The following SETBP1 variants were observed in gnomAD, a reference collection of about 807,000 sequenced individuals.
SETBP1 encodes the protein SET-binding protein.
A neutral mutation model predicts 101.0 loss-of-function variants in SETBP1; 9 were observed. The observed-to-expected ratio is 0.09, with a 90% CI of 0.05 to 0.16. SETBP1 has a LOEUF of 0.16. SETBP1 is among the 10% of genes least tolerant of loss of function. SETBP1 has a pLI of 1.00. For missense variants in SETBP1, 1,858 were observed against 2,033.8 expected, an observed-to-expected ratio of 0.91 and a Z score of 1.66; for synonymous variants, 818 against 788.5, an observed-to-expected ratio of 1.04 and a Z score of -0.63.
chr18:45,012,861 G>A (rs2072867763), intron 4 of SETBP1, among the ~76,000 whole-genome samples: 1 of 152,204 alleles, frequency 6.6e-6, no homozygotes, highest in African/African-American at 2.4e-5. Flanking sequence ...GGACTTGAAA[G>A]GGTGGGTGAG....
chr18:44,774,053 A>G (rs913586108), intron 2 of SETBP1, among the ~76,000 whole-genome samples: 2 of 152,190 alleles, frequency 1.3e-5, no homozygotes, highest in African/African-American at 4.8e-5. Context: ...GTGGTAGATT[A>G]TAGTTATTGA....
At chr18:44,924,508 A>G (rs1312721742) in intron 3 of SETBP1, among the ~76,000 whole-genome samples, 1 of 152,178 alleles carries the variant, frequency 6.6e-6, no homozygotes, top group Non-Finnish European at 1.5e-5. Context: ...TTATCATATT[A>G]GCCACTTTAT....
rs187833841 is a variant in SETBP1 at position 44,957,018 on chromosome 18, T to A, written c.4000+3678T>A. ...CTAAATGCATACCATCTGCTAAATG[T>A]CCGTTTATAAAAATGCTTGCCTGGG... On this transcript the variant is annotated intron_variant, in intron 4 of 5. Coordinates refer to ENST00000649279, the MANE Select transcript of SETBP1 (RefSeq NM_015559.3). Among the ~76,000 whole-genome samples the A allele has an allele frequency of 7.2e-5, 11 of 152,240 alleles. No individual in the cohort carries two copies. The East Asian group carries it at 1.9e-3, about 27-fold the overall frequency.
chr18:44,749,208 T>G (rs1289897346), intron 2 of SETBP1, among the ~76,000 whole-genome samples: 1 of 152,238 alleles, frequency 6.6e-6, no homozygotes, highest in Non-Finnish European at 1.5e-5. Context: ...GATATCATCC[T>G]TTAGTTCTGT....
chr18:44,869,174 G>A (rs368815847), intron 2 of SETBP1, 56 bp from the exon 3 acceptor site: 295 of 1,485,562 alleles, frequency 2.0e-4, no homozygotes, highest in Non-Finnish European at 2.7e-4. Flanking sequence ...TTGTCGTGGG[G>A]ATACTGTATG....
chr18:44,763,998 C>G (rs947560135), intron 2 of SETBP1, among the ~76,000 whole-genome samples: 7 of 152,210 alleles, frequency 4.6e-5, no homozygotes, highest in African/African-American at 1.7e-4. Context: ...CTGGACCTAA[C>G]AGCTGGACTC....
chr18:45,042,019 C>T (rs1364586785), intron 5 of SETBP1, among the ~76,000 whole-genome samples: 1 of 151,926 alleles, frequency 6.6e-6, no homozygotes, highest in African/African-American at 2.4e-5. Context: ...CAGTTCCTGA[C>T]ACATAGTACA....
intron 2 of SETBP1, among the ~76,000 whole-genome samples, chr18:44,730,439 T>C (rs1213910730): frequency 1.3e-5 from 2 of 152,164 alleles, no homozygotes; most frequent in African/African-American, 4.8e-5. Context: ...TATACAGATA[T>C]GTAGATGGGG....
At chr18:44,699,447 T>C (rs976758900) in intron 1 of SETBP1, among the ~76,000 whole-genome samples, 4 of 152,134 alleles carry the variant, frequency 2.6e-5, no homozygotes, top group African/African-American at 9.7e-5. Flanking sequence ...AAATAATGTG[T>C]ATTATTGGGC....
intron 2 of SETBP1, among the ~76,000 whole-genome samples, chr18:44,805,651 C>G (rs1201065780): frequency 6.6e-6 from 1 of 152,038 alleles, no homozygotes; most frequent in Admixed American, 6.6e-5. Context: ...TTCTTTATTT[C>G]AGGCATTTGC....
intron 4 of SETBP1, among the ~76,000 whole-genome samples, chr18:45,004,280 G>A (rs1208311435): frequency 2.0e-5 from 3 of 152,174 alleles, no homozygotes; most frequent in East Asian, 1.9e-4. Flanking sequence ...CCATAAAAAC[G>A]GAATACTCCA....
chr18:44,707,717 G>T (rs1023371763), intron 2 of SETBP1, among the ~76,000 whole-genome samples: 3 of 152,236 alleles, frequency 2.0e-5, no homozygotes, highest in African/African-American at 7.2e-5. Flanking sequence ...AGGTGTTGTT[G>T]ATGGGAAGAG....
intron 2 of SETBP1, among the ~76,000 whole-genome samples, chr18:44,775,902 C>A (rs1461466755): frequency 6.6e-6 from 1 of 152,172 alleles, no homozygotes; most frequent in Non-Finnish European, 1.5e-5. Context: ...ACTTTCTTTG[C>A]ACTTTGATCT....
chr18:44,719,181 A>G (rs1184279905), intron 2 of SETBP1, among the ~76,000 whole-genome samples: 1 of 152,216 alleles, frequency 6.6e-6, no homozygotes, highest in African/African-American at 2.4e-5. Context: ...ACAGAATCCA[A>G]AAAAAGTAGC....
At position 44,951,649 on chromosome 18, in the gene SETBP1, C is replaced by G. The variant is rs2071354469; in HGVS notation, c.2309C>G (p.Ala770Gly). Residue 770 changes from alanine to glycine, a missense_variant, in exon 4 of 6, where the codon GCG becomes GGG. By Grantham distance (60) the Ala-to-Gly change is moderately conservative (BLOSUM62 0). Transcript: ENST00000649279. This position sits in a 1 kb window ranked among gnomAD's most constrained non-coding sequence, Gnocchi z 7.8. Reference sequence around the variant, plus strand: ...CCTTCCAACTTTCAGTCACTTGTGGCGTCTTCACCAGCAGCTATGCACCCA... The same window carrying G: ...CCTTCCAACTTTCAGTCACTTGTGGGGTCTTCACCAGCAGCTATGCACCCA... ...AVPSNFQSLV[A>G]SSPAAMHPLS... is the part of the protein sequence containing the mutation. 15 of 1,614,114 alleles carry G rather than the reference C, an allele frequency of 9.3e-6. No homozygotes were observed. The highest frequency in any genetic ancestry group is 1.3e-5 in the Non-Finnish European group (15 of 1,180,028).
chr18:44,860,527 A>T (rs1479878209), intron 2 of SETBP1, among the ~76,000 whole-genome samples: 1 of 152,168 alleles, frequency 6.6e-6, no homozygotes, highest in Non-Finnish European at 1.5e-5. Flanking sequence ...TGGGCAGATC[A>T]CCTGAGGTTG....
intron 3 of SETBP1, among the ~76,000 whole-genome samples, chr18:44,922,389 C>G (rs1261152666): frequency 1.3e-5 from 2 of 152,204 alleles, no homozygotes; most frequent in African/African-American, 2.4e-5. Flanking sequence ...AACGGATGGT[C>G]TTTCTAATAA....
intron 4 of SETBP1, among the ~76,000 whole-genome samples, chr18:44,999,538 A>G (rs1599430328): frequency 6.6e-6 from 1 of 152,342 alleles, no homozygotes; most frequent in East Asian, 1.9e-4. Flanking sequence ...GAGTACATCC[A>G]TGTCACTGGC....
At chr18:45,045,857 T>C (rs749739002) in intron 5 of SETBP1, among the ~76,000 whole-genome samples, 7 of 152,098 alleles carry the variant, frequency 4.6e-5, no homozygotes, top group Non-Finnish European at 7.4e-5. Flanking sequence ...GCTGCTGCTA[T>C]TGTTGATGTT....
Sources: gnomAD v4.1 joint callset for allele counts (sites outside exome capture counted in the v4.1 genomes callset) on GRCh38, gnomAD v4.1.1 for gene constraint, Gnocchi (gnomAD v3.1) non-coding constraint, MANE v1.5 for transcripts, NCBI Gene and HGNC (gene_info 2026-07-23, HGNC 2026-07-21) for gene names.